STAT5B: variants seen among roughly 807,000 people sequenced by gnomAD.
STAT5B encodes the protein transcription factor STAT5B.
A neutral mutation model predicts 107.8 loss-of-function variants in STAT5B; 21 were observed. That is an observed-to-expected ratio of 0.19 (90% CI 0.14 to 0.28). STAT5B has a LOEUF of 0.28. STAT5B is among the 10% of genes least tolerant of loss of function. The probability of loss-of-function intolerance (pLI) is 1.00; values close to 1 mark genes in which losing one functional copy is unlikely to be tolerated. For missense variants in STAT5B, 565 were observed against 1,008.2 expected, an observed-to-expected ratio of 0.56 and a Z score of 5.95; for synonymous variants, 325 against 401.7, an observed-to-expected ratio of 0.81 and a Z score of 2.28.
intron 9 of STAT5B, 175 bp downstream of exon 9, chr17:42,217,976 G>T: frequency 8.8e-7 from 1 of 1,132,776 alleles, no homozygotes; most frequent in Non-Finnish European, 1.3e-6. Flanking sequence ...AAAGTGCTTG[G>T]ATTACAGGTG....
chr17:42,239,462 TTTCAA>T (rs2080384424), intron 1 of STAT5B, among the ~76,000 whole-genome samples: 1 of 152,052 alleles, frequency 6.6e-6, no homozygotes, highest in East Asian at 1.9e-4. Context: ...GCAACAAATA[TTTCAA>T]TTCATCTAAT....
chr17:42,262,828 A>G (rs866183934), intron 1 of STAT5B, among the ~76,000 whole-genome samples: 27 of 121,976 alleles, frequency 2.2e-4, no homozygotes, highest in Middle Eastern at 4.0e-3. Context: ...ATATATGTGT[A>G]TATATACACA....
chr17:42,219,907 C>T (rs2080209698), intron 5 of STAT5B, 65 bp from the exon 6 acceptor site: 3 of 1,611,492 alleles, frequency 1.9e-6, no homozygotes, highest in African/African-American at 2.7e-5. Context: ...CCCAGAGAAG[C>T]CCACTCACCC....
At chr17:42,237,832 G>A (rs2080368699) in intron 1 of STAT5B, among the ~76,000 whole-genome samples, 2 of 151,998 alleles carry the variant, frequency 1.3e-5, no homozygotes, top group Non-Finnish European at 2.9e-5. Context: ...TTGTACAATG[G>A]GAATAATAAT....
At chr17:42,202,904 C>T (rs891928867) in intron 16 of STAT5B, 96 bp from the exon 17 acceptor site, 8 of 1,474,292 alleles carry the variant, frequency 5.4e-6, no homozygotes, top group Admixed American at 1.7e-5. Context: ...CAGAACACAA[C>T]CACCTAACTT....
chr17:42,250,364 T>C (rs2080488133), intron 1 of STAT5B, among the ~76,000 whole-genome samples: 2 of 152,142 alleles, frequency 1.3e-5, no homozygotes, highest in African/African-American at 4.8e-5. Flanking sequence ...ACGTATTAGT[T>C]TGTTATGTTA....
At chr17:42,266,551 A>T (rs937553897) in intron 1 of STAT5B, among the ~76,000 whole-genome samples, 2 of 151,704 alleles carry the variant, frequency 1.3e-5, no homozygotes, top group African/African-American at 2.4e-5. Context: ...AAAAATAAAA[A>T]AAAAAAAAAA....
intron 1 of STAT5B, among the ~76,000 whole-genome samples, chr17:42,260,891 T>C (rs2144390833): frequency 6.6e-6 from 1 of 151,976 alleles, no homozygotes; most frequent in South Asian, 2.1e-4. Context: ...CAATTATTGC[T>C]TAGTTTCCTA....
intron 5 of STAT5B, among the ~76,000 whole-genome samples, chr17:42,220,910 C>G (rs890344214): frequency 4.3e-4 from 66 of 152,056 alleles, no homozygotes; most frequent in African/African-American, 1.5e-3. Flanking sequence ...GCAGGCCCAC[C>G]CCACCCTCCC....
intron 1 of STAT5B, among the ~76,000 whole-genome samples, chr17:42,232,838 G>T (rs975535848): frequency 6.7e-5 from 10 of 149,770 alleles, no homozygotes; most frequent in African/African-American, 2.2e-4. Flanking sequence ...AATTAGCAGA[G>T]AGTTTTTTTT....
rs2080029634 is a variant in STAT5B at position 42,199,808 on chromosome 17, C to A, written c.*1930G>T. The A allele has an allele frequency of 6.6e-6, 1 of 152,384 alleles. No homozygotes were observed. Among genetic ancestry groups the A allele is most frequent in the African/African-American group, 2.4e-5 (1 of 41,456 alleles). 9.4% of individuals were successfully genotyped at this position (152,384 alleles called of 1,614,324 possible). On this transcript the variant is annotated 3_prime_UTR_variant, in exon 19 of 19. Transcript: ENST00000293328. ...GCAGGCCCTGGGGTGGGTCCACTCC[C>A]AACCTGAAAGTGTATCAAGTCTGAC...
chr17:42,201,547 CACA>C lies in STAT5B; in HGVS notation c.*188_*190del. On this transcript the variant is annotated 3_prime_UTR_variant, in exon 19 of 19. Coordinates refer to ENST00000293328, the MANE Select transcript of STAT5B (RefSeq NM_012448.4). ...ACGCACACACACACACACACACACA[CACA>C]CACAAACACATACTCGCACTCCCTT... 1 of 665,556 alleles carries C rather than the reference CACA, an allele frequency of 1.5e-6. No individual in the cohort carries two copies. Among genetic ancestry groups the C allele is most frequent in the Non-Finnish European group, 2.7e-6 (1 of 364,152 alleles). The allele number at this position is 665,556 out of a possible 1,614,324, so 41.2% of individuals were successfully genotyped here.
intron 8 of STAT5B, 87 bp downstream of exon 8, chr17:42,218,636 C>A: frequency 6.2e-7 from 1 of 1,606,196 alleles, no homozygotes; most frequent in African/African-American, 1.3e-5. Flanking sequence ...GGAAGTGGAT[C>A]TGCTGGTCTG....
Position 42,219,694 on chromosome 17 carries a change from G to A in STAT5B, c.681+18C>T. 1 of 1,597,070 alleles carries A rather than the reference G, an allele frequency of 6.3e-7. No homozygotes were observed. The highest frequency in any genetic ancestry group is 1.4e-5 in the African/African-American group (1 of 73,018). Reference sequence around the variant, plus strand: ...TTCATGGCACCCACGCCCAGGAGAGGCCCAGGACCCCACTCACCACGCGGT... The same window carrying A: ...TTCATGGCACCCACGCCCAGGAGAGACCCAGGACCCCACTCACCACGCGGT... On this transcript the variant is annotated intron_variant, in intron 6 of 18. Coordinates refer to ENST00000293328, the MANE Select transcript of STAT5B (RefSeq NM_012448.4).
intron 5 of STAT5B, among the ~76,000 whole-genome samples, chr17:42,221,990 T>G (rs2080231038): frequency 1.5e-5 from 2 of 137,702 alleles, no homozygotes; most frequent in Admixed American, 1.4e-4. Flanking sequence ...GTGCTGTGTG[T>G]GGTGTGGTGT....
intron 2 of STAT5B, among the ~76,000 whole-genome samples, chr17:42,229,027 A>G (rs12936647): frequency 6.6e-6 from 1 of 152,254 alleles, no homozygotes; most frequent in African/African-American, 2.4e-5. Context: ...CAGTTAAGGC[A>G]AGTCAGATTC....
chr17:42,205,571 G>C (rs888144337), intron 16 of STAT5B, among the ~76,000 whole-genome samples: 1 of 152,074 alleles, frequency 6.6e-6, no homozygotes, highest in Non-Finnish European at 1.5e-5. Flanking sequence ...TTTTTCTCTA[G>C]ATCTTTGTAT....
At chr17:42,229,163 TC>T (rs1477106426) in intron 2 of STAT5B, among the ~76,000 whole-genome samples, 9 of 152,104 alleles carry the variant, frequency 5.9e-5, no homozygotes, top group Non-Finnish European at 1.0e-4. Flanking sequence ...CCACTCTTTT[TC>T]TTTGAGACGA....
At chr17:42,263,805 G>T (rs1262561696) in intron 1 of STAT5B, among the ~76,000 whole-genome samples, 2 of 150,946 alleles carry the variant, frequency 1.3e-5, no homozygotes, top group African/African-American at 4.9e-5. Flanking sequence ...GGAAATATAG[G>T]CATGAGTCAC....
Sources: gnomAD v4.1 joint callset for allele counts (sites outside exome capture counted in the v4.1 genomes callset) on GRCh38, gnomAD v4.1.1 for gene constraint, MANE v1.5 for transcripts, NCBI Gene and HGNC (gene_info 2026-07-23, HGNC 2026-07-21) for gene names.